PHACTR1: variants seen among roughly 807,000 people sequenced by gnomAD.
PHACTR1 encodes the protein phosphatase and actin regulator 1.
PHACTR1 carries 16 observed loss-of-function variants against 69.2 expected under a neutral mutation model. The observed-to-expected ratio is 0.23, with a 90% CI of 0.16 to 0.35. PHACTR1 has a LOEUF of 0.35. Ranked by LOEUF, PHACTR1 falls within the 10% of genes least tolerant of loss-of-function variation. PHACTR1 has a pLI of 1.00. For missense variants in PHACTR1, 510 were observed against 734.7 expected (o/e 0.69, Z 3.54); for synonymous variants, 312 against 284.5 (o/e 1.10, Z -0.97).
intron 4 of PHACTR1, among the ~76,000 whole-genome samples, chr6:12,847,595 A>C (rs1451447452): frequency 6.6e-6 from 1 of 152,154 alleles, no homozygotes; most frequent in Non-Finnish European, 1.5e-5. Context: ...CAAAGAAAAC[A>C]GAAAAACTAT....
intron 4 of PHACTR1, among the ~76,000 whole-genome samples, chr6:13,005,121 G>C (rs1798625016): frequency 6.6e-6 from 1 of 151,576 alleles, no homozygotes; most frequent in Non-Finnish European, 1.5e-5. Flanking sequence ...TTCCCTGCTA[G>C]TGGTCTTTCT....
chr6:12,809,978 A>G (rs1401633658), intron 4 of PHACTR1, among the ~76,000 whole-genome samples: 4 of 152,218 alleles, frequency 2.6e-5, no homozygotes, highest in Non-Finnish European at 5.9e-5. Context: ...GGACTCTAAT[A>G]CTAGGAGATG....
intron 10 of PHACTR1, among the ~76,000 whole-genome samples, chr6:13,264,426 A>C (rs994161362): frequency 2.6e-5 from 4 of 152,218 alleles, no homozygotes; most frequent in Admixed American, 1.3e-4. Context: ...CCATTAAAAA[A>C]ATAAAATTTG....
Position 13,179,629 on chromosome 6 carries a change from A to G in PHACTR1, c.497-2890A>G, listed in dbSNP as rs1253828826. On this transcript the variant is annotated intron_variant, in intron 6 of 14. Coordinates refer to ENST00000332995, the MANE Select transcript of PHACTR1 (RefSeq NM_030948.6). The surrounding 1 kb of genome is among the most constrained non-coding windows in gnomAD (Gnocchi z 4.2). Reference sequence around the variant, plus strand: ...ATTTCTTTCTACTAGATATGTATACACATATATGGATGGATGGGTGGTTGA... The same window carrying G: ...ATTTCTTTCTACTAGATATGTATACGCATATATGGATGGATGGGTGGTTGA... Among the ~76,000 whole-genome samples the G allele has an allele frequency of 6.6e-6, 1 of 152,072 alleles. No individual in the cohort carries two copies. The highest frequency in any genetic ancestry group is 2.4e-5 in the African/African-American group (1 of 41,388).
chr6:12,912,289 C>T (rs919796256), intron 4 of PHACTR1, among the ~76,000 whole-genome samples: 2 of 152,092 alleles, frequency 1.3e-5, no homozygotes, highest in Admixed American at 6.6e-5. Flanking sequence ...CATGAGCCAC[C>T]GTGCTTGGCC....
intron 11 of PHACTR1, chr6:13,274,855 T>C (rs1384922900): frequency 1.3e-5 from 2 of 152,236 alleles, no homozygotes; most frequent in South Asian, 2.1e-4. Flanking sequence ...CCTGGCCACA[T>C]AGTTGCAAAT....
intron 5 of PHACTR1, among the ~76,000 whole-genome samples, chr6:13,074,657 AT>A (rs1305229409): frequency 3.9e-5 from 6 of 151,992 alleles, no homozygotes; most frequent in Non-Finnish European, 8.8e-5. Flanking sequence ...TTGCAGAAAT[AT>A]AATAAGAAGG....
intron 8 of PHACTR1, 96 bp from the exon 9 acceptor site, chr6:13,227,720 T>A: frequency 1.4e-6 from 2 of 1,475,624 alleles, no homozygotes; most frequent in Non-Finnish European, 1.8e-6. Context: ...CCTTTGTCTC[T>A]TAGGACTGGG....
At chr6:12,731,489 A>G (rs1193225041) in intron 3 of PHACTR1, among the ~76,000 whole-genome samples, 1 of 152,204 alleles carries the variant, frequency 6.6e-6, no homozygotes, top group Non-Finnish European at 1.5e-5. Flanking sequence ...ACTGCAAGAG[A>G]TATTTTTACA....
intron 4 of PHACTR1, among the ~76,000 whole-genome samples, chr6:12,817,911 C>A (rs531763831): frequency 6.6e-6 from 1 of 151,830 alleles, no homozygotes; most frequent in South Asian, 2.1e-4. Context: ...GCATGCTCTG[C>A]CTCCCGGGTT....
At chr6:12,826,167 A>G (rs1198985306) in intron 4 of PHACTR1, among the ~76,000 whole-genome samples, 2 of 152,206 alleles carry the variant, frequency 1.3e-5, no homozygotes, top group Non-Finnish European at 2.9e-5. Flanking sequence ...TAGAGGGTAT[A>G]TTTAATGCAG....
intron 4 of PHACTR1, among the ~76,000 whole-genome samples, chr6:12,778,656 C>A (rs767428936): frequency 6.6e-6 from 1 of 152,182 alleles, no homozygotes; most frequent in Admixed American, 6.5e-5. Context: ...CATGTCCAAG[C>A]ACTTCCTCTC....
intron 5 of PHACTR1, among the ~76,000 whole-genome samples, chr6:13,120,036 G>A (rs973920069): frequency 2.0e-5 from 3 of 152,092 alleles, no homozygotes; most frequent in Non-Finnish European, 4.4e-5. Context: ...AGGGGCCCAT[G>A]GACACATGGT....
intron 5 of PHACTR1, among the ~76,000 whole-genome samples, chr6:13,149,528 G>T (rs1163216525): frequency 6.6e-6 from 1 of 152,202 alleles, no homozygotes; most frequent in Non-Finnish European, 1.5e-5. Context: ...GGGCCATGAA[G>T]AATTTATCCA....
intron 4 of PHACTR1, among the ~76,000 whole-genome samples, chr6:12,826,142 A>T (rs920394152): frequency 2.0e-5 from 3 of 152,218 alleles, no homozygotes; most frequent in Non-Finnish European, 4.4e-5. Context: ...AGTGACTTAG[A>T]ACCAAGAAAG....
At chr6:13,239,577 C>T (rs566344208) in intron 10 of PHACTR1, among the ~76,000 whole-genome samples, 17 of 152,244 alleles carry the variant, frequency 1.1e-4, no homozygotes, top group Admixed American at 1.1e-3. Flanking sequence ...GAGCAAGACG[C>T]ATTGGAAGGA....
chr6:13,075,981 C>T (rs1283181603), intron 5 of PHACTR1, among the ~76,000 whole-genome samples: 1 of 151,216 alleles, frequency 6.6e-6, no homozygotes, highest in Non-Finnish European at 1.5e-5. Flanking sequence ...ATCAGAAATA[C>T]CTTCTTAGCA....
In PHACTR1 at chr6:13,230,896, G is replaced by A. The variant is rs149301580; in HGVS notation, c.1391+703G>A. ...CGAGATGTGGTGGCACATGCCTGTG[G>A]TCCCGGCTACATGGGAGGTTAAGGC... On this transcript the variant is annotated intron_variant, in intron 10 of 14. Coordinates refer to ENST00000332995, the MANE Select transcript of PHACTR1 (RefSeq NM_030948.6). Among the ~76,000 whole-genome samples, 477 of 152,178 alleles carry A rather than the reference G, an allele frequency of 3.1e-3. 9 individuals carry two copies. The highest frequency in any genetic ancestry group is 0.028 in the Admixed American group (421 of 15,274).
intron 4 of PHACTR1, among the ~76,000 whole-genome samples, chr6:12,969,067 G>A (rs1477196089): frequency 6.6e-6 from 1 of 152,078 alleles, no homozygotes; most frequent in Non-Finnish European, 1.5e-5. Context: ...GAGAAACAAG[G>A]TTCTAGAAGA....
Sources: allele counts gnomAD v4.1 joint callset (sites outside exome capture counted in the v4.1 genomes callset), GRCh38; gene constraint gnomAD v4.1.1; non-coding constraint Gnocchi (gnomAD v3.1); transcripts MANE v1.5; gene names NCBI Gene and HGNC (gene_info 2026-07-23, HGNC 2026-07-21).